ZFYVE28: variants seen among roughly 807,000 people sequenced by gnomAD.
ZFYVE28 encodes the protein zinc finger FYVE-type containing 28, also known as lateral signaling target protein 2 homolog.
Under a neutral mutation model 82.1 loss-of-function variants are expected in ZFYVE28, and 40 were observed. The observed-to-expected ratio is 0.49, with a 90% CI of 0.38 to 0.63. The LOEUF (loss-of-function observed/expected upper bound fraction) is 0.63, where lower values mean the gene tolerates loss of function less well. ZFYVE28 is among the 30% of genes least tolerant of loss of function. The probability of loss-of-function intolerance (pLI) is 0.00; values close to 1 mark genes in which losing one functional copy is unlikely to be tolerated. For synonymous variants in ZFYVE28, 612 were observed against 546.1 expected (o/e 1.12, Z -1.68); for missense variants, 1,321 against 1,242.1 (o/e 1.06, Z -0.96).
At chr4:2,368,745 C>T (rs1017720860) in intron 1 of ZFYVE28, among the ~76,000 whole-genome samples, 2 of 152,230 alleles carry the variant, frequency 1.3e-5, no homozygotes, top group Non-Finnish European at 2.9e-5. Context: ...GCACTGCTCC[C>T]ACCTTTTGGC....
Position 2,300,857 on chromosome 4 carries a change from C to T in ZFYVE28, c.2051+3432G>A, listed in dbSNP as rs1429216570. Among the ~76,000 whole-genome samples the T allele has an allele frequency of 6.6e-6, 1 of 152,202 alleles. No individual in the cohort carries two copies. The highest frequency in any genetic ancestry group is 2.4e-5 in the African/African-American group (1 of 41,450). On this transcript the variant is annotated intron_variant, in intron 8 of 12. Coordinates refer to ENST00000290974, the MANE Select transcript of ZFYVE28 (RefSeq NM_020972.3). This position sits in a 1 kb window ranked among gnomAD's most constrained non-coding sequence, Gnocchi z 4.6. ...GCCACAACCACAGGGGCTGCAGGGG[C>T]GTCTGCCGGGCGAGCGGGTCTCACG...
At chr4:2,272,025 C>G (rs1156511813) in intron 10 of ZFYVE28, among the ~76,000 whole-genome samples, 1 of 152,240 alleles carries the variant, frequency 6.6e-6, no homozygotes, top group Non-Finnish European at 1.5e-5. Context: ...CTCCCCCTGA[C>G]AGGGGCATCC....
intron 1 of ZFYVE28, among the ~76,000 whole-genome samples, chr4:2,354,853 A>C (rs1370655225): frequency 6.6e-6 from 1 of 152,112 alleles, no homozygotes; most frequent in African/African-American, 2.4e-5. Context: ...TTGACAGTGC[A>C]TCATAAACCA....
At chr4:2,350,897 C>G (rs978897579) in intron 2 of ZFYVE28, among the ~76,000 whole-genome samples, 12 of 152,240 alleles carry the variant, frequency 7.9e-5, no homozygotes, top group African/African-American at 2.2e-4. Context: ...GGGACCCTTC[C>G]CGACCTTAGC....
rs148711904 is a variant in ZFYVE28 at position 2,290,868 on chromosome 4, T to G, written c.2051+13421A>C. Among the ~76,000 whole-genome samples the G allele has an allele frequency of 2.0e-5, 3 of 152,348 alleles. No individual in the cohort carries two copies. In the East Asian group the frequency reaches 5.8e-4, roughly 29 times the overall value. ...CCCTGCCTGGCCAAGATCTGGACTC[T>G]GGGGACACAGTGAAGCCCAGGCCTA... is the stretch of plus-strand genomic sequence containing the variant. On this transcript the variant is annotated intron_variant, in intron 8 of 12. Transcript: ENST00000290974.
chr4:2,400,005 G>A (rs963980319), intron 1 of ZFYVE28, among the ~76,000 whole-genome samples: 1 of 152,212 alleles, frequency 6.6e-6, no homozygotes, highest in Non-Finnish European at 1.5e-5. Context: ...CACGCAGCAC[G>A]CACAGGGCGG....
At chr4:2,389,233 C>T (rs1425059841) in intron 1 of ZFYVE28, among the ~76,000 whole-genome samples, 1 of 152,258 alleles carries the variant, frequency 6.6e-6, no homozygotes, top group Admixed American at 6.5e-5. Context: ...CCTGCCCACA[C>T]AGCCAGGAGG....
At chr4:2,311,322 G>A (rs963845432) in intron 7 of ZFYVE28, among the ~76,000 whole-genome samples, 8 of 152,090 alleles carry the variant, frequency 5.3e-5, no homozygotes, top group Middle Eastern at 3.2e-3. Context: ...TCAGGAGTTC[G>A]AGACCAGCCT....
intron 8 of ZFYVE28, among the ~76,000 whole-genome samples, chr4:2,290,502 T>C (rs4974671): frequency 0.48 from 72,600 of 152,064 alleles, 18,163 homozygotes; most frequent in Non-Finnish European, 0.54. Flanking sequence ...TGTCCTCTCG[T>C]GAGGATGCAA....
chr4:2,370,769 G>A (rs2239722), intron 1 of ZFYVE28, among the ~76,000 whole-genome samples: 102,247 of 152,094 alleles, frequency 0.67, 34,632 homozygotes, highest in East Asian at 0.8. Flanking sequence ...AGTCTGGGGC[G>A]CCAGATTGCA....
intron 2 of ZFYVE28, among the ~76,000 whole-genome samples, chr4:2,342,226 G>C (rs1304398692): frequency 6.6e-6 from 1 of 152,200 alleles, no homozygotes; most frequent in African/African-American, 2.4e-5. Flanking sequence ...GGAACCAGCA[G>C]ATCAATTACA....
At chr4:2,390,713 T>C (rs978912452) in intron 1 of ZFYVE28, among the ~76,000 whole-genome samples, 7 of 152,266 alleles carry the variant, frequency 4.6e-5, no homozygotes, top group African/African-American at 1.7e-4. Context: ...TTTGCCTCTC[T>C]AGCTGCCTGA....
intron 2 of ZFYVE28, among the ~76,000 whole-genome samples, chr4:2,347,790 C>A (rs576105680): frequency 6.6e-6 from 1 of 152,078 alleles, no homozygotes; most frequent in South Asian, 2.1e-4. Context: ...GAAATTTAAA[C>A]CACTAAATAC....
chr4:2,411,041 C>T (rs2108687004), intron 1 of ZFYVE28, among the ~76,000 whole-genome samples: 1 of 152,284 alleles, frequency 6.6e-6, no homozygotes, highest in East Asian at 1.9e-4. Flanking sequence ...AAAAACATTG[C>T]CCTAAGGACA....
rs944725210 is a variant in ZFYVE28, at chr4:2,408,133, C to A, written c.39+10152G>T. On this transcript the variant is annotated intron_variant, in intron 1 of 12. Coordinates refer to ENST00000290974, the MANE Select transcript of ZFYVE28 (RefSeq NM_020972.3). This position sits in a 1 kb window ranked among gnomAD's most constrained non-coding sequence, Gnocchi z 4.3. ...CCCTGGCCTCCAGGCCTCAAGGCCA[C>A]AGATTCCTGTCTGACCCTTGCTCCA... is the stretch of plus-strand genomic sequence containing the variant. Among the ~76,000 whole-genome samples, 10 of 147,246 alleles carry A rather than the reference C, an allele frequency of 6.8e-5. No individual in the cohort carries two copies. The highest frequency in any genetic ancestry group is 2.5e-4 in the African/African-American group (10 of 40,490).
intron 1 of ZFYVE28, among the ~76,000 whole-genome samples, chr4:2,371,694 A>C (rs1422843945): frequency 2.6e-5 from 4 of 152,224 alleles, no homozygotes; most frequent in Admixed American, 2.0e-4. Flanking sequence ...AAGAGTACAA[A>C]GACTCCCTTC....
In ZFYVE28 at chr4:2,339,255, C is replaced by G. The variant is rs1263219825; in HGVS notation, c.521+198G>C. ...ACACCTGTGTCCTCTGTGCTCACCC[C>G]ACTCCCTGGAAAGATGCCCCACCTC... On this transcript the variant is annotated intron_variant, in intron 4 of 12. Coordinates refer to ENST00000290974, the MANE Select transcript of ZFYVE28 (RefSeq NM_020972.3). This position sits in a 1 kb window ranked among gnomAD's most constrained non-coding sequence, Gnocchi z 5.0. Among the ~76,000 whole-genome samples the G allele has an allele frequency of 6.6e-6, 1 of 152,216 alleles. No homozygotes were observed. The highest frequency in any genetic ancestry group is 6.5e-5 in the Admixed American group (1 of 15,282).
At chr4:2,395,220 G>GCCTCAGGAA (rs142675860) in intron 1 of ZFYVE28, among the ~76,000 whole-genome samples, 6 of 151,042 alleles carry the variant, frequency 4.0e-5, no homozygotes, top group Admixed American at 1.3e-4. Context: ...CAGACAGTGA[G>GCCTCAGGAA]GGCACTGAGC....
intron 8 of ZFYVE28, among the ~76,000 whole-genome samples, chr4:2,293,721 C>G (rs1475133530): frequency 6.8e-6 from 1 of 146,482 alleles, no homozygotes; most frequent in Admixed American, 7.0e-5. Flanking sequence ...CCACTGCACT[C>G]CAGCCTGGGT....
Sources: gnomAD v4.1 joint callset for allele counts (sites outside exome capture counted in the v4.1 genomes callset) on GRCh38, gnomAD v4.1.1 for gene constraint, Gnocchi (gnomAD v3.1) non-coding constraint, MANE v1.5 for transcripts, NCBI Gene and HGNC (gene_info 2026-07-23, HGNC 2026-07-21) for gene names.